Variants in XPR1 observed in about 807,000 individuals in gnomAD.
XPR1 encodes xenotropic and polytropic retrovirus receptor 1, also known as solute carrier family 53 member 1.
In XPR1, 28 loss-of-function variants were observed where a neutral mutation model predicts 87.5. The observed-to-expected ratio is 0.32, with a 90% CI of 0.24 to 0.44. The LOEUF is 0.44. XPR1 is among the 20% of genes least tolerant of loss of function. The probability of loss-of-function intolerance (pLI) is 1.00; values close to 1 mark genes in which losing one functional copy is unlikely to be tolerated. For synonymous variants in XPR1, 300 were observed against 306.1 expected (o/e 0.98, Z 0.21); for missense variants, 559 against 862.3 (o/e 0.65, Z 4.41).
At chr1:180,647,818 T>C (rs1198646707) in intron 1 of XPR1, among the ~76,000 whole-genome samples, 1 of 149,818 alleles carries the variant, frequency 6.7e-6, no homozygotes, top group East Asian at 1.9e-4. Context: ...CGAGAATTGC[T>C]TGAACCCAGG....
chr1:180,666,875 C>T (rs1655978052), intron 1 of XPR1, among the ~76,000 whole-genome samples: 3 of 151,774 alleles, frequency 2.0e-5, no homozygotes, highest in Admixed American at 2.0e-4. Flanking sequence ...TGAAAATGGG[C>T]ATCTTTTCCT....
intron 2 of XPR1, among the ~76,000 whole-genome samples, chr1:180,745,423 G>T (rs868548029): frequency 2.0e-4 from 31 of 152,126 alleles, no homozygotes; most frequent in African/African-American, 6.8e-4. Flanking sequence ...ATATGCAGTA[G>T]GGGGTCAATT....
chr1:180,732,884 G>C (rs1391072202), intron 2 of XPR1, among the ~76,000 whole-genome samples: 1 of 152,240 alleles, frequency 6.6e-6, no homozygotes, highest in Non-Finnish European at 1.5e-5. Context: ...GTTTGATTGA[G>C]TGGAGGTAGC....
chr1:180,747,489 T>C (rs1451608645), intron 2 of XPR1, among the ~76,000 whole-genome samples: 1 of 152,210 alleles, frequency 6.6e-6, no homozygotes, highest in Non-Finnish European at 1.5e-5. Flanking sequence ...TTTTTAGTGA[T>C]CTTAAGTACA....
intron 2 of XPR1, among the ~76,000 whole-genome samples, chr1:180,750,481 A>G (rs1557988886): frequency 6.6e-6 from 1 of 152,114 alleles, no homozygotes; most frequent in South Asian, 2.1e-4. Flanking sequence ...CATGTTTGCA[A>G]ATATATTAAG....
At chr1:180,762,992 C>T (rs1002317750) in intron 2 of XPR1, among the ~76,000 whole-genome samples, 4 of 152,082 alleles carry the variant, frequency 2.6e-5, no homozygotes, top group African/African-American at 9.7e-5. Flanking sequence ...ACATTTTACA[C>T]GAATGACTTG....
intron 2 of XPR1, among the ~76,000 whole-genome samples, chr1:180,702,406 A>G: frequency 6.6e-6 from 1 of 150,404 alleles, no homozygotes; most frequent in Non-Finnish European, 1.5e-5. Flanking sequence ...AAAAAAATGT[A>G]TATTCTGTTG....
chr1:180,766,405 T>C (rs1648287968), intron 2 of XPR1, among the ~76,000 whole-genome samples: 1 of 152,176 alleles, frequency 6.6e-6, no homozygotes, highest in South Asian at 2.1e-4. Context: ...ATCTGGTACA[T>C]AATAAACATG....
intron 3 of XPR1, among the ~76,000 whole-genome samples, chr1:180,791,004 AGGAG>A (rs1041192378): frequency 2.0e-5 from 3 of 152,044 alleles, no homozygotes; most frequent in Admixed American, 1.3e-4. Context: ...ACCATATAGC[AGGAG>A]GAGGAGGAGG....
rs143013633 is a variant in XPR1, at chr1:180,756,628, TAA to T, written c.122-31123_122-31122del. ...GAATAACAAAAGTTATAAATTTTGA[TAA>T]AGTCTAATTTATCTCATTTTTCTTT... On this transcript the variant is annotated intron_variant, in intron 2 of 14. Transcript: ENST00000367590. Among the ~76,000 whole-genome samples the T allele has an allele frequency of 0.014, 2,195 of 152,312 alleles. 207 individuals carry two copies. In the East Asian group the frequency reaches 0.26, roughly 18 times the overall value.
At chr1:180,765,560 T>C (rs899398264) in intron 2 of XPR1, among the ~76,000 whole-genome samples, 10 of 152,176 alleles carry the variant, frequency 6.6e-5, no homozygotes, top group Non-Finnish European at 1.2e-4. Flanking sequence ...CAGATATCTA[T>C]CAAAATCTGT....
chr1:180,818,327 G>GT (rs76651863), intron 7 of XPR1, among the ~76,000 whole-genome samples: 10,335 of 139,396 alleles, frequency 0.074, 613 homozygotes, highest in African/African-American at 0.17. Context: ...TTCTGTTTGG[G>GT]TTTTTTTTTT....
chr1:180,889,694 C>A lies in XPR1; in HGVS notation c.*5628C>A, dbSNP rs1182226179. On this transcript the variant is annotated 3_prime_UTR_variant, in exon 15 of 15. Transcript: ENST00000367590. ...GTGAAGATTAATTTCTTGCCATTTTCTGGATTAGCACAGAAGCTTGTATCA... is the reference window on the plus strand; with the variant it reads ...GTGAAGATTAATTTCTTGCCATTTTATGGATTAGCACAGAAGCTTGTATCA... 6.6e-6 allele frequency: 1 copy of A among 152,220 alleles called. No individual in the cohort carries two copies. Among genetic ancestry groups the A allele is most frequent in the Non-Finnish European group, 1.5e-5 (1 of 68,030 alleles). 9.4% of individuals were successfully genotyped at this position (152,220 alleles called of 1,614,324 possible).
intron 12 of XPR1, among the ~76,000 whole-genome samples, chr1:180,867,036 C>G (rs1353219350): frequency 9.9e-6 from 1 of 100,760 alleles, no homozygotes; most frequent in Non-Finnish European, 2.0e-5. Context: ...TTGTTCCATT[C>G]CCACCTATGA....
chr1:180,794,645 A>G (rs1212027461), intron 3 of XPR1, among the ~76,000 whole-genome samples: 1 of 152,190 alleles, frequency 6.6e-6, no homozygotes, highest in African/African-American at 2.4e-5. Flanking sequence ...AAGAAGTGAA[A>G]TTTAAATTGG....
chr1:180,851,889 T>G (rs1173160649), intron 11 of XPR1, among the ~76,000 whole-genome samples: 2 of 152,000 alleles, frequency 1.3e-5, no homozygotes, highest in Non-Finnish European at 2.9e-5. Context: ...GATAATAAAT[T>G]GAATATAAAT....
chr1:180,645,545 C>T (rs1417359134), intron 1 of XPR1, among the ~76,000 whole-genome samples: 1 of 152,160 alleles, frequency 6.6e-6, no homozygotes, highest in Non-Finnish European at 1.5e-5. Flanking sequence ...TTCTGTGTCA[C>T]AGAAATATGC....
chr1:180,787,535 T>G (rs1571838192), intron 2 of XPR1, among the ~76,000 whole-genome samples: 1 of 152,200 alleles, frequency 6.6e-6, no homozygotes, highest in Non-Finnish European at 1.5e-5. Flanking sequence ...CGCCTCGGCC[T>G]CCCGAAGTAC....
intron 2 of XPR1, among the ~76,000 whole-genome samples, chr1:180,768,439 G>A (rs1040868032): frequency 6.6e-6 from 1 of 152,212 alleles, no homozygotes; most frequent in African/African-American, 2.4e-5. Context: ...GGAATGCCAC[G>A]TGAGTGGCAT....
Sources: gnomAD v4.1 joint callset for allele counts (sites outside exome capture counted in the v4.1 genomes callset) on GRCh38, gnomAD v4.1.1 for gene constraint, MANE v1.5 for transcripts, NCBI Gene and HGNC (gene_info 2026-07-23, HGNC 2026-07-21) for gene names.